WDR43: variants seen among roughly 807,000 people sequenced by gnomAD.
The protein encoded by WDR43 is WD repeat domain 43, also known as WD repeat-containing protein 43.
A neutral mutation model predicts 91.4 loss-of-function variants in WDR43; 13 were observed. That is an observed-to-expected ratio of 0.14 (90% CI 0.09 to 0.23). WDR43 has a LOEUF of 0.23. WDR43 is among the 10% of genes least tolerant of loss of function. The pLI, the probability that WDR43 is intolerant of heterozygous loss-of-function variation, is 1.00. For synonymous variants in WDR43, 331 were observed against 287.9 expected (o/e 1.15, Z -1.51); for missense variants, 780 against 809.4 (o/e 0.96, Z 0.44).
At chr2:28,931,788 A>G (rs1671251938) in intron 11 of WDR43, among the ~76,000 whole-genome samples, 1 of 152,184 alleles carries the variant, frequency 6.6e-6, no homozygotes, top group African/African-American at 2.4e-5. Context: ...TTAGGTAGAA[A>G]TAATAGAGAA....
intron 14 of WDR43, 122 bp downstream of exon 14, chr2:28,938,116 G>A (rs1014841232): frequency 1.0e-4 from 102 of 1,010,810 alleles, no homozygotes; most frequent in Non-Finnish European, 1.4e-4. Flanking sequence ...GCCGTTAGAT[G>A]CTTCCTTTAG....
At chr2:28,909,966 G>A (rs930794146) in intron 3 of WDR43, among the ~76,000 whole-genome samples, 1 of 152,182 alleles carries the variant, frequency 6.6e-6, no homozygotes, top group Non-Finnish European at 1.5e-5. Flanking sequence ...GCCGTCAAAT[G>A]CCAATATGTG....
intron 5 of WDR43, 128 bp from the exon 6 acceptor site, chr2:28,917,765 A>T: frequency 1.3e-6 from 1 of 758,068 alleles, no homozygotes; most frequent in Non-Finnish European, 2.1e-6. Context: ...TCACTTTACT[A>T]GTTTTCAAAA....
intron 13 of WDR43, among the ~76,000 whole-genome samples, chr2:28,937,478 A>G (rs1175245965): frequency 2.0e-5 from 3 of 152,182 alleles, no homozygotes; most frequent in African/African-American, 7.2e-5. Context: ...GGAAAGCTAA[A>G]TAATTCATTA....
chr2:28,912,677 A>G lies in WDR43; in HGVS notation c.573A>G (p.Lys191=). The change falls in exon 4 of 18, where the codon AAA becomes AAG. Residue 191 remains lysine (K), a synonymous_variant. Coordinates refer to ENST00000407426, the MANE Select transcript of WDR43 (RefSeq NM_015131.3). ...KMLLSAGRTI[K]LWVLETKEVY... ...TGCTTTCAGCTGGTCGAACAATCAA[A>G]CTATGGGTTTTGGAGACCAAAGAAG... The G allele has an allele frequency of 6.2e-7, 1 of 1,614,016 alleles. No homozygotes were observed. Among genetic ancestry groups the G allele is most frequent in the African/African-American group, 1.3e-5 (1 of 75,070 alleles).
chr2:28,906,406 G>C, intron 2 of WDR43, 54 bp from the exon 3 acceptor site: 1 of 1,490,382 alleles, frequency 6.7e-7, no homozygotes, highest in Non-Finnish European at 8.9e-7. Flanking sequence ...AGGATCATTT[G>C]AGCCCAGGAG....
Position 28,922,958 on chromosome 2 carries a change from C to T in WDR43, c.889C>T (p.His297Tyr). Residue 297 changes from histidine to tyrosine, a missense_variant, in exon 7 of 18, where the codon CAT (histidine) becomes TAT (tyrosine). Physicochemically the swap from His to Tyr is moderately conservative, Grantham distance 83 (BLOSUM62 2). Coordinates refer to ENST00000407426, the MANE Select transcript of WDR43 (RefSeq NM_015131.3). ...TGTTGTTTGCAGAGATGGTCAAGTC[C>T]ATCTTTTTGAACACATATTAAATGG... The part of the protein sequence containing the change: ...LAVVCRDGQV[H>Y]LFEHILNGYC... The T allele has an allele frequency of 6.2e-7, 1 of 1,610,810 alleles. No individual in the cohort carries two copies. Among genetic ancestry groups the T allele is most frequent in the South Asian group, 1.1e-5 (1 of 90,100 alleles).
rs1180598899 is a variant in WDR43 at position 28,917,977 on chromosome 2, G to A, written c.831G>A (p.Leu277=). The A allele has an allele frequency of 1.3e-6, 2 of 1,577,498 alleles. No individual in the cohort carries two copies. Among genetic ancestry groups the A allele is most frequent in the Middle Eastern group, 3.3e-4 (2 of 6,020 alleles). ...TDEPVYIDLT[L]SENKEEPVKL... ...AACCTGTCTATATTGACTTAACTTT[G>A]TCAGAAAACAAAGAAGAGGTAAATG... The change falls in exon 6 of 18, where the codon TTG becomes TTA. Residue 277 remains leucine, a synonymous_variant. Transcript: ENST00000407426.
At chr2:28,908,871 T>C (rs1670734282) in intron 3 of WDR43, among the ~76,000 whole-genome samples, 1 of 152,222 alleles carries the variant, frequency 6.6e-6, no homozygotes, top group African/African-American at 2.4e-5. Flanking sequence ...AAGCAGAATT[T>C]GTTTACATTA....
chr2:28,905,279 T>C (rs535589351), intron 2 of WDR43, among the ~76,000 whole-genome samples: 4 of 152,356 alleles, frequency 2.6e-5, no homozygotes, highest in East Asian at 3.9e-4. Context: ...GTGGGTGATT[T>C]AGCACCTCAT....
At chr2:28,945,758 A>G (rs922691995) in intron 16 of WDR43, among the ~76,000 whole-genome samples, 2 of 152,134 alleles carry the variant, frequency 1.3e-5, no homozygotes, top group Non-Finnish European at 2.9e-5. Context: ...AGCTGTGTTA[A>G]TTTTTGTTTT....
In WDR43 at chr2:28,925,142, A is replaced by G. The variant is rs190364212; in HGVS notation, c.1075A>G (p.Ile359Val). ...LVYGSWFQPT[I>V]ERVALNSREP... ...ATATGGCAGTTGGTTTCAGCCTACT[A>G]TTGAGCGAGTGGTACGTAGCTGCTA... Residue 359 changes from isoleucine (I) to valine (V), a missense_variant, in exon 8 of 18, where the codon ATT (isoleucine) becomes GTT (valine). By Grantham distance (29) the Ile-to-Val change is conservative. Around this residue, in one of 4 missense-constraint regions of WDR43, gnomAD observed 426 missense variants for 467.8 expected, o/e 0.91. Coordinates refer to ENST00000407426, the MANE Select transcript of WDR43 (RefSeq NM_015131.3). 9.0e-4 allele frequency: 1,449 copies of G among 1,613,170 alleles called. 3 individuals carry two copies. The highest frequency in any genetic ancestry group is 1.0e-3 in the Non-Finnish European group (1,217 of 1,179,446).
rs572315435 is a variant in WDR43, at chr2:28,946,674, C to T, written c.1929C>T (p.Ala643=). 2.4e-5 allele frequency: 37 copies of T among 1,564,058 alleles called. No homozygotes were observed. The highest frequency in any genetic ancestry group is 8.2e-5 in the African/African-American group (6 of 73,460). ...DEDVEEEDED[A]EGKDEENGED... ...ACGTTGAAGAGGAAGATGAGGATGC[C>T]GAAGGAAAAGATGAAGAAAATGGCG... Residue 643 remains alanine (A), a synonymous_variant, in exon 18 of 18, where the codon GCC becomes GCT. Transcript: ENST00000407426.
chr2:28,900,202 G>C (rs1303547016), intron 1 of WDR43, among the ~76,000 whole-genome samples: 1 of 151,986 alleles, frequency 6.6e-6, no homozygotes, highest in Non-Finnish European at 1.5e-5. Flanking sequence ...TTTTCGTTTT[G>C]TTTTGTTTGA....
chr2:28,902,046 C>T lies in WDR43; in HGVS notation c.285C>T (p.Asp95=), dbSNP rs746120198. ...SEAVGMSNQT[D]LLALGTAVGS... Reference sequence around the variant, plus strand: ...CTGTAGGAATGAGTAACCAGACTGACTTATTGGCTCTTGGCACAGCAGTTG... The same window carrying T: ...CTGTAGGAATGAGTAACCAGACTGATTTATTGGCTCTTGGCACAGCAGTTG... Residue 95 remains aspartate (D), a synonymous_variant, in exon 2 of 18, where the codon GAC becomes GAT. Transcript: ENST00000407426. 3.7e-6 allele frequency: 6 copies of T among 1,610,816 alleles called. No homozygotes were observed. Among genetic ancestry groups the T allele is most frequent in the Non-Finnish European group, 5.1e-6 (6 of 1,178,978 alleles).
At chr2:28,924,183 A>G (rs1671086958) in intron 7 of WDR43, among the ~76,000 whole-genome samples, 1 of 152,204 alleles carries the variant, frequency 6.6e-6, no homozygotes. Flanking sequence ...AGGAGTTGAC[A>G]GATCAGAGTG....
At chr2:28,898,123 GAA>G (rs1670514573) in intron 1 of WDR43, among the ~76,000 whole-genome samples, 1 of 152,194 alleles carries the variant, frequency 6.6e-6, no homozygotes, top group Admixed American at 6.5e-5. Context: ...TCAAACTTTT[GAA>G]AGTCTTCCGA....
At chr2:28,929,901 A>C (rs1190990373) in intron 11 of WDR43, among the ~76,000 whole-genome samples, 191 bp downstream of exon 11, 2 of 152,080 alleles carry the variant, frequency 1.3e-5, no homozygotes, top group Non-Finnish European at 1.5e-5. Context: ...ACGGGATTGC[A>C]TTGAGTTATT....
At chr2:28,934,524 A>G (rs1032845877) in intron 11 of WDR43, among the ~76,000 whole-genome samples, 6 of 152,222 alleles carry the variant, frequency 3.9e-5, no homozygotes, top group African/African-American at 1.4e-4. Context: ...CTTTACATAC[A>G]TCCTTGATGG....
Sources: gnomAD v4.1 joint callset for allele counts (sites outside exome capture counted in the v4.1 genomes callset) on GRCh38, gnomAD v4.1.1 for gene constraint, gnomAD v4.1.1 regional missense constraint, MANE v1.5 for transcripts, NCBI Gene and HGNC (gene_info 2026-07-23, HGNC 2026-07-21) for gene names.